Variants in KDM7A observed in about 807,000 individuals in gnomAD.
The protein encoded by KDM7A is lysine-specific demethylase 7A.
In KDM7A, 28 loss-of-function variants were observed where a neutral mutation model predicts 114.8. The ratio of observed to expected loss-of-function variants is 0.24; its 90% CI spans 0.18 to 0.33. KDM7A has a LOEUF of 0.33. Among genes scored for constraint, KDM7A ranks in the 10% least tolerant of loss-of-function variants. The pLI is 1.00. For missense variants in KDM7A, 942 were observed against 1,142.5 expected (o/e 0.82, Z 2.53); for synonymous variants, 423 against 397.8 (o/e 1.06, Z -0.75).
In KDM7A at chr7:140,091,155, T is replaced by C. The variant is rs375764897; in HGVS notation, c.2765A>G (p.Lys922Arg). The C allele has an allele frequency of 3.7e-6, 6 of 1,614,068 alleles. No individual in the cohort carries two copies. The African/African-American group carries it at 5.3e-5, about 14-fold the overall frequency. ...KRPKKGMATA[K>R]QRLGKILKLN... ...CTTAAGGATCTTCCCAAGACGTTGT[T>C]TGGCTGTTGCCATTCCTTTTTTTGG... Residue 922 changes from lysine to arginine, a missense_variant, in exon 20 of 20, where the codon AAA (lysine) becomes AGA (arginine). Coordinates refer to ENST00000397560, the MANE Select transcript of KDM7A (RefSeq NM_030647.2).
chr7:140,100,173 C>T, intron 12 of KDM7A, 150 bp from the exon 13 acceptor site: 1 of 695,552 alleles, frequency 1.4e-6, no homozygotes, highest in Non-Finnish European at 2.4e-6. Flanking sequence ...AGCAGTATGG[C>T]ACTCCAGAGT....
chr7:140,167,519 A>C (rs970405217), intron 1 of KDM7A, among the ~76,000 whole-genome samples: 2 of 152,302 alleles, frequency 1.3e-5, no homozygotes, highest in African/African-American at 4.8e-5. Context: ...CACTGGGACA[A>C]ATGGACATTT....
chr7:140,159,559 T>C (rs1381844760), intron 1 of KDM7A, among the ~76,000 whole-genome samples: 2 of 152,098 alleles, frequency 1.3e-5, no homozygotes, highest in Non-Finnish European at 1.5e-5. Context: ...GCGTTATGCA[T>C]ATGTGGAGGA....
rs1818008672 is a variant in KDM7A, at chr7:140,091,005, T to A, written c.*89A>T. On this transcript the variant is annotated 3_prime_UTR_variant, in exon 20 of 20. Coordinates refer to ENST00000397560, the MANE Select transcript of KDM7A (RefSeq NM_030647.2). ...CAGTGTTCTTACTATACACACAAAC[T>A]GCTCCAGGCAGGGGGACAGCGGAAG... 1.1e-6 allele frequency: 1 copy of A among 891,032 alleles called. No individual in the cohort carries two copies. The highest frequency in any genetic ancestry group is 1.7e-5 in the African/African-American group (1 of 60,176). The allele number at this position is 891,032 out of a possible 1,614,324, so 55.2% of individuals were successfully genotyped here.
At chr7:140,132,206 T>C (rs779110454) in intron 3 of KDM7A, among the ~76,000 whole-genome samples, 3 of 152,198 alleles carry the variant, frequency 2.0e-5, no homozygotes, top group Non-Finnish European at 2.9e-5. Context: ...TATTCTACTA[T>C]GGTTTGAAAT....
chr7:140,162,642 A>C (rs1243140177), intron 1 of KDM7A, among the ~76,000 whole-genome samples: 2 of 152,144 alleles, frequency 1.3e-5, no homozygotes, highest in Non-Finnish European at 2.9e-5. Context: ...TGTTCTTTAC[A>C]CTTGTCTTTG....
At chr7:140,106,158 C>T (rs1424333456) in intron 11 of KDM7A, among the ~76,000 whole-genome samples, 1 of 152,196 alleles carries the variant, frequency 6.6e-6, no homozygotes, top group African/African-American at 2.4e-5. Context: ...TTTTTTATTG[C>T]ATCTATTTGA....
chr7:140,115,742 A>G (rs1327956008), intron 9 of KDM7A, among the ~76,000 whole-genome samples: 3 of 151,742 alleles, frequency 2.0e-5, no homozygotes, highest in East Asian at 3.9e-4. Context: ...CTATTGTCCC[A>G]TGACCCTGCC....
intron 9 of KDM7A, among the ~76,000 whole-genome samples, chr7:140,114,127 TA>T (rs200860604): frequency 0.062 from 9,398 of 152,210 alleles, 368 homozygotes; most frequent in Non-Finnish European, 0.09. Flanking sequence ...TGTAACCACT[TA>T]GAATTTGTAC....
rs552068064 is a variant in KDM7A at position 140,163,052 on chromosome 7, T to C, written c.194+13692A>G. On this transcript the variant is annotated intron_variant, in intron 1 of 19. Coordinates refer to ENST00000397560, the MANE Select transcript of KDM7A (RefSeq NM_030647.2). ...CTCTGTCACCCAGGCTGGAGTGCAG[T>C]GGCACTATCTCGGCTCACTGCAAGC... 3.3e-5 allele frequency among the ~76,000 whole-genome samples: 5 copies of C among 151,530 alleles called. No homozygotes were observed. In the East Asian group the frequency reaches 9.7e-4, roughly 29 times the overall value.
chr7:140,157,326 C>T (rs545777412), intron 1 of KDM7A, among the ~76,000 whole-genome samples: 2 of 152,298 alleles, frequency 1.3e-5, no homozygotes, highest in East Asian at 3.9e-4. Flanking sequence ...GTAGGCTCAG[C>T]TACCATGAAT....
At chr7:140,100,927 A>G (rs933028690) in intron 12 of KDM7A, among the ~76,000 whole-genome samples, 1 of 150,282 alleles carries the variant, frequency 6.7e-6, no homozygotes, top group Non-Finnish European at 1.5e-5. Flanking sequence ...CGCCTGGCTA[A>G]TTTTTTGTAT....
chr7:140,099,416 T>C (rs1332697637), intron 13 of KDM7A, among the ~76,000 whole-genome samples: 1 of 152,120 alleles, frequency 6.6e-6, no homozygotes, highest in Non-Finnish European at 1.5e-5. Flanking sequence ...AAGCTAGTTT[T>C]AAACTCCTGG....
intron 1 of KDM7A, among the ~76,000 whole-genome samples, chr7:140,141,321 C>T (rs1794269968): frequency 6.6e-6 from 1 of 152,036 alleles, no homozygotes; most frequent in South Asian, 2.1e-4. Context: ...GCCAAGAATA[C>T]TCAAAGCATT....
At chr7:140,115,758 C>T (rs1368131391) in intron 9 of KDM7A, among the ~76,000 whole-genome samples, 5 of 150,132 alleles carry the variant, frequency 3.3e-5, no homozygotes, top group Non-Finnish European at 7.4e-5. Context: ...CTGCCAAATC[C>T]CCCTCTGTGA....
At chr7:140,137,221 G>T in intron 2 of KDM7A, among the ~76,000 whole-genome samples, 1 of 152,160 alleles carries the variant, frequency 6.6e-6, no homozygotes, top group East Asian at 1.9e-4. Flanking sequence ...GGGATGAGAA[G>T]CATAGGCAAG....
chr7:140,125,733 A>AT (rs1818690324), intron 6 of KDM7A, among the ~76,000 whole-genome samples: 2 of 132,302 alleles, frequency 1.5e-5, no homozygotes, highest in South Asian at 2.4e-4. Flanking sequence ...CACCTGGCTA[A>AT]TTTTTTAATT....
chr7:140,176,916 C>T lies in KDM7A; in HGVS notation c.22G>A (p.Val8Met). 2.6e-6 allele frequency: 3 copies of T among 1,161,536 alleles called. No homozygotes were observed. The highest frequency in any genetic ancestry group is 3.2e-6 in the Non-Finnish European group (3 of 936,982). 72.0% of individuals were successfully genotyped at this position (1,161,536 alleles called of 1,614,324 possible). The change falls in exon 1 of 20, where the codon GTG becomes ATG. Residue 8 changes from valine to methionine, a missense_variant. Physicochemically the swap from Val to Met is conservative, Grantham distance 21. This residue lies in a region of KDM7A where 112 missense variants were observed against 96.2 expected (regional missense o/e 1.16). Coordinates refer to ENST00000397560, the MANE Select transcript of KDM7A (RefSeq NM_030647.2). The surrounding 1 kb of genome is among the most constrained non-coding windows in gnomAD (Gnocchi z 4.4). ...GCTCCAGCTGCTGCTCCCGCGGCCA[C>T]CGCCGCCGCCGCTCCGGCCATCTTT... MAGAAAA[V>M]AAGAAAGAAA...
intron 3 of KDM7A, among the ~76,000 whole-genome samples, 157 bp from the exon 4 acceptor site, chr7:140,129,810 T>A (rs1388635840): frequency 1.3e-5 from 2 of 152,168 alleles, no homozygotes; most frequent in East Asian, 3.8e-4. Context: ...GTTTTGTAAA[T>A]CTCCTTTTGC....
Sources: allele counts gnomAD v4.1 joint callset (sites outside exome capture counted in the v4.1 genomes callset), GRCh38; gene constraint gnomAD v4.1.1; regional missense constraint gnomAD v4.1.1; non-coding constraint Gnocchi (gnomAD v3.1); transcripts MANE v1.5; gene names NCBI Gene and HGNC (gene_info 2026-07-23, HGNC 2026-07-21).